WNK2: variants seen among roughly 807,000 people sequenced by gnomAD.
WNK2 encodes the protein WNK lysine deficient protein kinase 2, also known as serine/threonine-protein kinase WNK2.
A neutral mutation model predicts 192.1 loss-of-function variants in WNK2; 67 were observed. The ratio of observed to expected loss-of-function variants is 0.35; its 90% CI spans 0.29 to 0.43. WNK2 has a LOEUF of 0.43. WNK2 is among the 20% of genes least tolerant of loss of function. The pLI, the probability that WNK2 is intolerant of heterozygous loss-of-function variation, is 1.00. For missense variants in WNK2, 2,698 were observed against 3,089.7 expected, an observed-to-expected ratio of 0.87 and a Z score of 3.01; for synonymous variants, 1,439 against 1,393.9, an observed-to-expected ratio of 1.03 and a Z score of -0.72.
At chr9:93,317,744 G>C in intron 29 of WNK2, 113 bp downstream of exon 29, 1 of 1,483,684 alleles carries the variant, frequency 6.7e-7, no homozygotes, top group Non-Finnish European at 9.1e-7. Flanking sequence ...AGGTGGGCCA[G>C]CTGGGGGCAC....
intron 2 of WNK2, among the ~76,000 whole-genome samples, chr9:93,189,648 G>T (rs1193831536): frequency 3.3e-5 from 5 of 152,236 alleles, no homozygotes; most frequent in Non-Finnish European, 5.9e-5. Context: ...TCCAAGGACA[G>T]CCCAGCCACC....
intron 2 of WNK2, among the ~76,000 whole-genome samples, chr9:93,187,171 C>T (rs1277765173): frequency 1.3e-5 from 2 of 152,146 alleles, no homozygotes; most frequent in Non-Finnish European, 2.9e-5. Flanking sequence ...CCTCGGCAGC[C>T]AGAGCCTGCT....
chr9:93,253,608 C>T (rs1284181842), intron 9 of WNK2, among the ~76,000 whole-genome samples: 1 of 151,962 alleles, frequency 6.6e-6, no homozygotes, highest in Non-Finnish European at 1.5e-5. Flanking sequence ...TGGCACTTCT[C>T]TCCCAGATAT....
chr9:93,261,627 T>G (rs1341083004), intron 12 of WNK2, among the ~76,000 whole-genome samples, 187 bp from the exon 13 acceptor site: 2 of 152,204 alleles, frequency 1.3e-5, no homozygotes, highest in East Asian at 3.8e-4. Context: ...AGAATGACCA[T>G]TCCTGTTTGT....
intron 2 of WNK2, among the ~76,000 whole-genome samples, chr9:93,197,219 AGTACTTCAGCCTGT>A (rs1831428046): frequency 6.6e-6 from 1 of 152,192 alleles, no homozygotes. Context: ...TTCACCCCTG[AGTACTTCAGCCTGT>A]GTCTCTTGAT....
chr9:93,289,236 T>C lies in WNK2; in HGVS notation c.4482T>C (p.Gly1494=). Residue 1494 remains glycine, a synonymous_variant, in exon 20 of 30, where the codon GGT becomes GGC. Transcript: ENST00000427277. ...GCGGGACCCCACAGCCCGCCTTGGG[T>C]CAACCTGCTCCCCTGCTTCCTGCCG... ...PHSGTPQPAL[G]QPAPLLPAAV... 3 of 1,605,032 alleles carry C rather than the reference T, an allele frequency of 1.9e-6. No individual in the cohort carries two copies. In the Admixed American group the frequency reaches 5.0e-5, roughly 27 times the overall value.
chr9:93,247,312 C>T lies in WNK2; in HGVS notation c.1543-231C>T, dbSNP rs1841889925. 6.6e-6 allele frequency among the ~76,000 whole-genome samples: 1 copy of T among 152,226 alleles called. No individual in the cohort carries two copies. The highest frequency in any genetic ancestry group is 2.1e-4 in the South Asian group (1 of 4,834). On this transcript the variant is annotated intron_variant, in intron 7 of 29. Coordinates refer to ENST00000427277, the MANE Select transcript of WNK2 (RefSeq NM_006648.4). This position sits in a 1 kb window ranked among gnomAD's most constrained non-coding sequence, Gnocchi z 5.2. ...TGGTCTGCTTTGCTCTTGCTGTGGACTCTGCGGGATGCAGGTCAGGCCTGC... is the reference window on the plus strand; with the variant it reads ...TGGTCTGCTTTGCTCTTGCTGTGGATTCTGCGGGATGCAGGTCAGGCCTGC...
In WNK2 at chr9:93,298,134, A is replaced by T. The variant is rs1023321756; in HGVS notation, c.5923+67A>T. 9.9e-6 allele frequency: 15 copies of T among 1,513,404 alleles called. No homozygotes were observed. The African/African-American group carries it at 1.7e-4, about 17-fold the overall frequency. The allele number at this position is 1,513,404 out of a possible 1,614,324, so 93.7% of individuals were successfully genotyped here. A position where few individuals can be genotyped will look rare whatever the true frequency, so the allele number is the denominator to read the frequency against. ...GGACCCCCGAGTGAGCCTGGGAGGTAGGCTCCGTGCAGGTGTGACACCCTC... is the reference window on the plus strand; with the variant it reads ...GGACCCCCGAGTGAGCCTGGGAGGTTGGCTCCGTGCAGGTGTGACACCCTC... On this transcript the variant is annotated intron_variant, in intron 24 of 29. Transcript: ENST00000427277.
Position 93,300,158 on chromosome 9 carries a change from T to C in WNK2, c.6214+9T>C. 1 of 1,610,008 alleles carries C rather than the reference T, an allele frequency of 6.2e-7. No individual in the cohort carries two copies. The highest frequency in any genetic ancestry group is 8.5e-7 in the Non-Finnish European group (1 of 1,177,300). ...CGTATCTGTGTCCATCTGTCTGTAT[T>C]TGTTCTTTTGTATTTTATCACCTCC... On this transcript the variant is annotated intron_variant, in intron 26 of 29. Coordinates refer to ENST00000427277, the MANE Select transcript of WNK2 (RefSeq NM_006648.4).
rs1405818461 is a variant in WNK2 at position 93,248,758 on chromosome 9, A to T, written c.1834+924A>T. Among the ~76,000 whole-genome samples the T allele has an allele frequency of 2.0e-5, 3 of 152,240 alleles. No homozygotes were observed. The East Asian group carries it at 5.8e-4, about 29-fold the overall frequency. ...TAGTATCTTCTGCACATACAGGCAG[A>T]AAAGTTTCTGTCTGTGCCCTCAACA... On this transcript the variant is annotated intron_variant, in intron 8 of 29. Transcript: ENST00000427277.
In WNK2 at chr9:93,185,257, G is replaced by T. The variant is rs999121858; in HGVS notation, c.328G>T (p.Ala110Ser). The T allele has an allele frequency of 3.9e-6, 5 of 1,267,818 alleles. No homozygotes were observed. The highest frequency in any genetic ancestry group is 1.6e-5 in the African/African-American group (1 of 63,646). 78.5% of individuals were successfully genotyped at this position (1,267,818 alleles called of 1,614,324 possible). Residue 110 changes from alanine to serine, a missense_variant, in exon 2 of 30, where the codon GCC (alanine) becomes TCC (serine). Ala to Ser is a moderately conservative substitution (Grantham distance 99, BLOSUM62 1). Coordinates refer to ENST00000427277, the MANE Select transcript of WNK2 (RefSeq NM_006648.4). ...GGTAGCGCAGCCGGGAGCCCCCGGAGCCCCCGCGGACGCCGGCCCCGAGCC... is the reference window on the plus strand; with the variant it reads ...GGTAGCGCAGCCGGGAGCCCCCGGATCCCCCGCGGACGCCGGCCCCGAGCC... Reference protein sequence around the residue: ...ALVAQPGAPGAPADAGPEPVG... With the variant: ...ALVAQPGAPGSPADAGPEPVG...
At chr9:93,299,927 G>A in intron 25 of WNK2, 124 bp from the exon 26 acceptor site, 1 of 740,596 alleles carries the variant, frequency 1.4e-6, no homozygotes, top group Non-Finnish European at 2.3e-6. Context: ...CTCCGGGCTG[G>A]GCTAGATGGA....
In WNK2 at chr9:93,216,699, C is replaced by G. The variant is rs147516286; in HGVS notation, c.682-12997C>G. On this transcript the variant is annotated intron_variant, in intron 2 of 29. Coordinates refer to ENST00000427277, the MANE Select transcript of WNK2 (RefSeq NM_006648.4). ...GTATCAGCTGCTCGGGAGGCTGAGG[C>G]AGGAAAATCGCTTGAACCTGGGAGA... is the stretch of plus-strand genomic sequence containing the variant. Among the ~76,000 whole-genome samples the G allele has an allele frequency of 9.1e-3, 1,380 of 151,692 alleles. 22 individuals carry two copies. The highest frequency in any genetic ancestry group is 0.048 in the East Asian group (246 of 5,094).
At position 93,247,973 on chromosome 9, in the gene WNK2, C is replaced by T. The variant is rs1281538409; in HGVS notation, c.1834+139C>T. On this transcript the variant is annotated intron_variant, in intron 8 of 29. Transcript: ENST00000427277. The surrounding 1 kb of genome is among the most constrained non-coding windows in gnomAD (Gnocchi z 5.2). ...GAAGGGGGTCCGCATGGCATCCCCT[C>T]GGAGGAGACATCGTGTAGCTCTGAG... The T allele has an allele frequency of 1.3e-5, 12 of 958,908 alleles. No homozygotes were observed. The highest frequency in any genetic ancestry group is 3.3e-5 in the South Asian group (2 of 59,816). The allele number at this position is 958,908 out of a possible 1,614,324, so 59.4% of individuals were successfully genotyped here.
intron 19 of WNK2, among the ~76,000 whole-genome samples, chr9:93,282,023 T>A (rs372920605): frequency 3.3e-4 from 51 of 152,270 alleles, no homozygotes; most frequent in South Asian, 3.1e-3. Flanking sequence ...AAGGCCAGAA[T>A]GCAGGTAGGA....
At chr9:93,202,978 G>A (rs1243778141) in intron 2 of WNK2, among the ~76,000 whole-genome samples, 1 of 152,178 alleles carries the variant, frequency 6.6e-6, no homozygotes, top group Non-Finnish European at 1.5e-5. Context: ...TTTCCACGTG[G>A]CAACCATTGG....
At chr9:93,236,491 A>G (rs1240043424) in intron 5 of WNK2, among the ~76,000 whole-genome samples, 1 of 152,234 alleles carries the variant, frequency 6.6e-6, no homozygotes, top group East Asian at 1.9e-4. Flanking sequence ...AGGAGAAAGA[A>G]CGTGATAGTT....
intron 2 of WNK2, among the ~76,000 whole-genome samples, chr9:93,219,782 G>C (rs1309764794): frequency 1.3e-5 from 2 of 152,238 alleles, no homozygotes; most frequent in East Asian, 3.8e-4. Context: ...CATGTGCCCA[G>C]CTCCACCTGT....
intron 2 of WNK2, among the ~76,000 whole-genome samples, chr9:93,203,145 C>A (rs1281848439): frequency 1.3e-5 from 2 of 152,122 alleles, no homozygotes; most frequent in East Asian, 3.9e-4. Flanking sequence ...TGGGAAGGTC[C>A]TTCCTGGGGG....
Sources: allele counts gnomAD v4.1 joint callset (sites outside exome capture counted in the v4.1 genomes callset), GRCh38; gene constraint gnomAD v4.1.1; non-coding constraint Gnocchi (gnomAD v3.1); transcripts MANE v1.5; gene names NCBI Gene and HGNC (gene_info 2026-07-23, HGNC 2026-07-21).